STAP1: variants seen among roughly 807,000 people sequenced by gnomAD.
STAP1 encodes signal transducing adaptor family member 1.
In STAP1, 30 loss-of-function variants were observed where a neutral mutation model predicts 37.8. That is an observed-to-expected ratio of 0.79 (90% CI 0.59 to 1.08). The LOEUF (loss-of-function observed/expected upper bound fraction) is 1.08, where lower values mean the gene tolerates loss of function less well. Ranked by LOEUF, STAP1 falls within the 50% of genes least tolerant of loss-of-function variation. The probability of loss-of-function intolerance (pLI) is 0.00; values close to 1 mark genes in which losing one functional copy is unlikely to be tolerated. For synonymous variants in STAP1, 130 were observed against 116.0 expected, an observed-to-expected ratio of 1.12 and a Z score of -0.78; for missense variants, 357 against 349.4, an observed-to-expected ratio of 1.02 and a Z score of -0.17.
At chr4:67,590,993 C>G (rs372505901) in intron 7 of STAP1, 40 bp downstream of exon 7, 7 of 1,527,700 alleles carry the variant, frequency 4.6e-6, no homozygotes, top group Non-Finnish European at 6.3e-6. Context: ...AACTTCCTCC[C>G]GATTCCTTAT....
At chr4:67,582,387 C>T (rs1055444039) in intron 5 of STAP1, among the ~76,000 whole-genome samples, 2 of 151,830 alleles carry the variant, frequency 1.3e-5, no homozygotes, top group Admixed American at 1.3e-4. Flanking sequence ...CAGCTCACTG[C>T]AATCTCCACC....
chr4:67,567,793 C>A lies in STAP1; in HGVS notation c.121-3291C>A, dbSNP rs956183122. Among the ~76,000 whole-genome samples, 9 of 152,288 alleles carry A rather than the reference C, an allele frequency of 5.9e-5. No individual in the cohort carries two copies. The South Asian group carries it at 1.9e-3, about 32-fold the overall frequency. ...AGAGTGAGACTCCAGTTGTCCCTCC[C>A]TTCCCAGTCATTCCTGCCTTCCCAG... On this transcript the variant is annotated intron_variant, in intron 1 of 8. Coordinates refer to ENST00000265404, the MANE Select transcript of STAP1 (RefSeq NM_012108.4).
chr4:67,581,322 C>T lies in STAP1; in HGVS notation c.381C>T (p.Asn127=), dbSNP rs11556615. Residue 127 remains asparagine (N), a synonymous_variant, in exon 5 of 9, where the codon AAC becomes AAT. Coordinates refer to ENST00000265404, the MANE Select transcript of STAP1 (RefSeq NM_012108.4). ...GGTTTCAGCTGTCAGTTCCCCAAAACGTGTCACTCCTACCTGGGCAAGTAA... is the reference window on the plus strand; with the variant it reads ...GGTTTCAGCTGTCAGTTCCCCAAAATGTGTCACTCCTACCTGGGCAAGTAA... ...LTVTELSVPQ[N]VSLLPGQVIK... 369,546 of 1,610,718 alleles carry T rather than the reference C, an allele frequency of 0.23. 45,732 individuals are homozygous for T. The highest frequency in any genetic ancestry group is 0.26 in the Non-Finnish European group (306,961 of 1,178,474).
At chr4:67,602,400 TATGTTTGTTG>T (rs1224613859) in intron 8 of STAP1, among the ~76,000 whole-genome samples, 2 of 152,208 alleles carry the variant, frequency 1.3e-5, no homozygotes, top group African/African-American at 4.8e-5. Flanking sequence ...TCCTAATACT[TATGTTTGTTG>T]ATGTCTGGGC....
chr4:67,565,359 A>C (rs1727443125), intron 1 of STAP1, among the ~76,000 whole-genome samples: 1 of 152,192 alleles, frequency 6.6e-6, no homozygotes. Context: ...GATTTTACAT[A>C]GGAATGACAA....
intron 6 of STAP1, 96 bp downstream of exon 6, chr4:67,583,798 TG>T: frequency 1.4e-6 from 2 of 1,424,442 alleles, no homozygotes; most frequent in South Asian, 2.8e-5. Flanking sequence ...TCGTTGGGGC[TG>T]AAAATATGAA....
At chr4:67,578,277 T>A (rs540089156) in intron 4 of STAP1, among the ~76,000 whole-genome samples, 1 of 152,296 alleles carries the variant, frequency 6.6e-6, no homozygotes, top group African/African-American at 2.4e-5. Flanking sequence ...TGTTCTCTAG[T>A]AATTTAAAAG....
chr4:67,562,574 G>C (rs11131713), intron 1 of STAP1, among the ~76,000 whole-genome samples: 107,320 of 145,970 alleles, frequency 0.74, 40,946 homozygotes, highest in Non-Finnish European at 0.85. Context: ...GACCATCCTG[G>C]CTAACAAGGT....
At chr4:67,581,227 C>A in intron 4 of STAP1, 78 bp from the exon 5 acceptor site, 3 of 1,401,172 alleles carry the variant, frequency 2.1e-6, no homozygotes, top group South Asian at 1.4e-5. Context: ...CCTATAGGAC[C>A]AGAACAGGGT....
At chr4:67,593,986 C>G (rs2109873603) in intron 8 of STAP1, among the ~76,000 whole-genome samples, 1 of 152,276 alleles carries the variant, frequency 6.6e-6, no homozygotes, top group Admixed American at 6.5e-5. Flanking sequence ...GAGCATGAGA[C>G]CCTATGCAAC....
intron 6 of STAP1, among the ~76,000 whole-genome samples, chr4:67,587,753 T>C (rs1261458871): frequency 6.7e-6 from 1 of 148,494 alleles, no homozygotes; most frequent in Admixed American, 6.7e-5. Context: ...GGAGTTTTGC[T>C]CTTGTTGCCC....
At chr4:67,581,217 C>G (rs1578028584) in intron 4 of STAP1, 88 bp from the exon 5 acceptor site, 1 of 1,261,900 alleles carries the variant, frequency 7.9e-7, no homozygotes, top group African/African-American at 1.5e-5. Context: ...TAACTGTAGC[C>G]CTATAGGACC....
At position 67,593,251 on chromosome 4, in the gene STAP1, T is replaced by C. The variant is rs1728158657; in HGVS notation, c.730-9T>C. ...ATGCTGAGTTTTCTCTCACTCTCTATTAATACAGGTAACACTCCCAAACCT... is the reference window on the plus strand; with the variant it reads ...ATGCTGAGTTTTCTCTCACTCTCTACTAATACAGGTAACACTCCCAAACCT... On this transcript the variant is annotated splice_polypyrimidine_tract_variant and intron_variant, in intron 7 of 8. Transcript: ENST00000265404. 6.2e-7 allele frequency: 1 copy of C among 1,604,414 alleles called. No homozygotes were observed. The highest frequency in any genetic ancestry group is 1.7e-5 in the Admixed American group (1 of 59,018).
Position 67,575,441 on chromosome 4 carries a change from T to A in STAP1, c.249T>A (p.Thr83=), listed in dbSNP as rs1443493428. 1 of 1,605,478 alleles carries A rather than the reference T, an allele frequency of 6.2e-7. No individual in the cohort carries two copies. The highest frequency in any genetic ancestry group is 1.3e-5 in the African/African-American group (1 of 74,442). Residue 83 remains threonine, a synonymous_variant, in exon 3 of 9, where the codon ACT becomes ACA. Coordinates refer to ENST00000265404, the MANE Select transcript of STAP1 (RefSeq NM_012108.4). ...CATGCCTTACTGAGCAGAATTCAAC[T>A]GAAAAGAACTGTGCGAAATTCACCC... ...DLTCLTEQNS[T]EKNCAKFTLV... is the part of the protein sequence containing the mutation.
At chr4:67,597,697 G>A (rs1457661006) in intron 8 of STAP1, among the ~76,000 whole-genome samples, 1 of 152,188 alleles carries the variant, frequency 6.6e-6, no homozygotes, top group South Asian at 2.1e-4. Flanking sequence ...AGATTATTTT[G>A]GAGCTTTAAG....
chr4:67,593,357 G>T lies in STAP1; in HGVS notation c.826+1G>T. ...ATATGTTCAACTGATGAAAACACTGGTATGTTTTTCACTTCATTGCTATGT... is the reference window on the plus strand; with the variant it reads ...ATATGTTCAACTGATGAAAACACTGTTATGTTTTTCACTTCATTGCTATGT... On this transcript the variant is annotated splice_donor_variant, in intron 8 of 8. Transcript: ENST00000265404. LOFTEE classifies it high-confidence loss of function. 6.3e-7 allele frequency: 1 copy of T among 1,595,884 alleles called. No individual in the cohort carries two copies. The highest frequency in any genetic ancestry group is 8.6e-7 in the Non-Finnish European group (1 of 1,166,956).
At chr4:67,559,044 C>G (rs1398069910) in intron 1 of STAP1, 115 bp downstream of exon 1, 1 of 1,094,956 alleles carries the variant, frequency 9.1e-7, no homozygotes, top group African/African-American at 1.6e-5. Flanking sequence ...AAATCATCTT[C>G]TCTTCTTTGA....
intron 8 of STAP1, among the ~76,000 whole-genome samples, chr4:67,596,070 G>A (rs1440325890): frequency 6.6e-6 from 1 of 152,136 alleles, no homozygotes; most frequent in Non-Finnish European, 1.5e-5. Context: ...TGGTTTGGCT[G>A]TTTTCCCACC....
chr4:67,564,031 A>G (rs960889989), intron 1 of STAP1, among the ~76,000 whole-genome samples: 3 of 151,986 alleles, frequency 2.0e-5, no homozygotes, highest in Non-Finnish European at 4.4e-5. Flanking sequence ...CTAGATATGA[A>G]TAGGTACCTA....
Sources: gnomAD v4.1 joint callset for allele counts (sites outside exome capture counted in the v4.1 genomes callset) on GRCh38, gnomAD v4.1.1 for gene constraint, MANE v1.5 for transcripts, NCBI Gene and HGNC (gene_info 2026-07-23, HGNC 2026-07-21) for gene names.